Variants in RNGTT observed in about 807,000 individuals in gnomAD.
RNGTT encodes the protein RNA guanylyltransferase and 5'-phosphatase, also known as mRNA-capping enzyme.
RNGTT carries 33 observed loss-of-function variants against 79.3 expected under a neutral mutation model. The observed-to-expected ratio is 0.42, with a 90% CI of 0.32 to 0.56. The LOEUF (loss-of-function observed/expected upper bound fraction) is 0.56. Ranked by LOEUF, RNGTT falls within the 20% of genes least tolerant of loss-of-function variation. The pLI is 0.17. For missense variants in RNGTT, 497 were observed against 739.1 expected, an observed-to-expected ratio of 0.67 and a Z score of 3.80; for synonymous variants, 222 against 235.9, an observed-to-expected ratio of 0.94 and a Z score of 0.54.
intron 11 of RNGTT, among the ~76,000 whole-genome samples, chr6:88,824,619 T>C (rs1243609200): frequency 6.6e-6 from 1 of 152,142 alleles, no homozygotes; most frequent in Admixed American, 6.6e-5. Flanking sequence ...CTGTAGTACA[T>C]AGCAAAGATT....
intron 5 of RNGTT, among the ~76,000 whole-genome samples, chr6:88,905,317 C>T (rs1442539806): frequency 1.3e-5 from 2 of 152,100 alleles, no homozygotes; most frequent in Non-Finnish European, 2.9e-5. Flanking sequence ...ATTGATTTTA[C>T]AGGAACTTTC....
chr6:88,802,626 T>C (rs1779827703), intron 11 of RNGTT, among the ~76,000 whole-genome samples: 1 of 152,176 alleles, frequency 6.6e-6, no homozygotes, highest in Admixed American at 6.5e-5. Context: ...AGCAGTTTAA[T>C]GGACTTGCTG....
intron 11 of RNGTT, among the ~76,000 whole-genome samples, chr6:88,830,399 C>G (rs553489071): frequency 6.6e-6 from 1 of 152,156 alleles, no homozygotes; most frequent in South Asian, 2.1e-4. Flanking sequence ...ACACAACGTA[C>G]CAGAATCTTT....
rs1196880028 is a variant in RNGTT, at chr6:88,610,938, T to C, written c.*1781A>G. Reference sequence around the variant, plus strand: ...GAAGCAGGCATCAGACTATTTGAAGTTGCATAGGCATTTTTTTTTTAATCC... The same window carrying C: ...GAAGCAGGCATCAGACTATTTGAAGCTGCATAGGCATTTTTTTTTTAATCC... On this transcript the variant is annotated 3_prime_UTR_variant, in exon 16 of 16. Transcript: ENST00000369485. 2.0e-5 allele frequency: 3 copies of C among 152,074 alleles called. No homozygotes were observed. The highest frequency in any genetic ancestry group is 4.4e-5 in the Non-Finnish European group (3 of 68,036). The allele number at this position is 152,074 out of a possible 1,614,324, so 9.4% of individuals were successfully genotyped here.
intron 8 of RNGTT, among the ~76,000 whole-genome samples, chr6:88,875,343 T>C (rs1582569975): frequency 2.6e-5 from 4 of 152,182 alleles, no homozygotes; most frequent in Admixed American, 2.6e-4. Flanking sequence ...ACTCTTAATA[T>C]TGATTATCCC....
intron 8 of RNGTT, among the ~76,000 whole-genome samples, chr6:88,859,467 T>C (rs974061741): frequency 6.6e-6 from 1 of 152,174 alleles, no homozygotes; most frequent in Admixed American, 6.5e-5. Context: ...AAAAGCATTA[T>C]AGGGCTATGC....
intron 14 of RNGTT, among the ~76,000 whole-genome samples, chr6:88,674,848 G>C (rs144269757): frequency 4.3e-4 from 65 of 152,126 alleles, no homozygotes; most frequent in African/African-American, 1.5e-3. Flanking sequence ...TGTAATCCCA[G>C]TACTGTGGGA....
chr6:88,952,101 C>T (rs1196445503), intron 1 of RNGTT, among the ~76,000 whole-genome samples: 1 of 152,088 alleles, frequency 6.6e-6, no homozygotes, highest in Non-Finnish European at 1.5e-5. Context: ...AGAAGTAAGA[C>T]CAGCCTCACC....
chr6:88,958,731 G>A (rs996390986), intron 1 of RNGTT, among the ~76,000 whole-genome samples: 2 of 152,112 alleles, frequency 1.3e-5, no homozygotes, highest in African/African-American at 4.8e-5. Flanking sequence ...ATGAATGTGG[G>A]GAAAAGGTAA....
intron 1 of RNGTT, among the ~76,000 whole-genome samples, chr6:88,959,962 C>T (rs568357200): frequency 4.1e-4 from 62 of 152,306 alleles, no homozygotes; most frequent in Non-Finnish European, 8.1e-4. Context: ...CCCCTGCCAA[C>T]TATTTATCTA....
At chr6:88,901,788 C>T (rs531459739) in intron 6 of RNGTT, among the ~76,000 whole-genome samples, 4 of 152,108 alleles carry the variant, frequency 2.6e-5, no homozygotes, top group African/African-American at 4.8e-5. Flanking sequence ...TGAGCCACTG[C>T]GCCCAGCTAA....
intron 14 of RNGTT, among the ~76,000 whole-genome samples, chr6:88,653,826 A>G (rs951292242): frequency 1.3e-5 from 2 of 152,220 alleles, no homozygotes; most frequent in Non-Finnish European, 2.9e-5. Context: ...ACTGGGCTAA[A>G]TGCTGAGGAT....
intron 8 of RNGTT, among the ~76,000 whole-genome samples, chr6:88,884,788 C>T (rs1232972899): frequency 1.3e-5 from 2 of 152,176 alleles, no homozygotes; most frequent in East Asian, 1.9e-4. Flanking sequence ...GAACACAGTA[C>T]ACTTTATATA....
intron 13 of RNGTT, among the ~76,000 whole-genome samples, chr6:88,735,263 G>A (rs141638861): frequency 6.1e-4 from 93 of 152,218 alleles, no homozygotes; most frequent in African/African-American, 2.1e-3. Flanking sequence ...TTTAGTAACT[G>A]ATAGATCTAA....
intron 6 of RNGTT, among the ~76,000 whole-genome samples, chr6:88,898,610 C>T (rs895699960): frequency 6.7e-6 from 1 of 148,898 alleles, no homozygotes; most frequent in Non-Finnish European, 1.5e-5. Flanking sequence ...TCTAGTATTA[C>T]TTTTATATAG....
chr6:88,642,809 G>A (rs138346582), intron 14 of RNGTT, among the ~76,000 whole-genome samples: 1 of 152,214 alleles, frequency 6.6e-6, no homozygotes, highest in Non-Finnish European at 1.5e-5. Context: ...CATAATATGT[G>A]CTCAATAAAA....
chr6:88,767,105 C>T (rs1011424653), intron 13 of RNGTT, among the ~76,000 whole-genome samples: 3 of 151,996 alleles, frequency 2.0e-5, no homozygotes, highest in Non-Finnish European at 2.9e-5. Context: ...GTAATAGTTA[C>T]CATGTTATAT....
intron 11 of RNGTT, among the ~76,000 whole-genome samples, chr6:88,810,573 T>C (rs1780105148): frequency 2.0e-5 from 3 of 152,298 alleles, no homozygotes; most frequent in South Asian, 4.1e-4. Flanking sequence ...AAAGAGAGTC[T>C]CAATGTGCTT....
chr6:88,869,155 AACCGT>A (rs1782275973), intron 8 of RNGTT, among the ~76,000 whole-genome samples: 1 of 152,316 alleles, frequency 6.6e-6, no homozygotes, highest in East Asian at 1.9e-4. Context: ...TAAATAACAA[AACCGT>A]ATCTAAGTGC....
Sources: allele counts gnomAD v4.1 joint callset (sites outside exome capture counted in the v4.1 genomes callset), GRCh38; gene constraint gnomAD v4.1.1; transcripts MANE v1.5; gene names NCBI Gene and HGNC (gene_info 2026-07-23, HGNC 2026-07-21).